Variants in AMD1 observed in about 807,000 individuals in gnomAD.
AMD1 encodes S-adenosylmethionine decarboxylase proenzyme.
AMD1 carries 11 observed loss-of-function variants against 40.2 expected under a neutral mutation model. The ratio of observed to expected loss-of-function variants is 0.27; its 90% CI spans 0.17 to 0.45. The LOEUF is 0.45. AMD1 is among the 20% of genes least tolerant of loss of function. AMD1 has a pLI of 1.00. For missense variants in AMD1, 257 were observed against 410.2 expected (o/e 0.63, Z 3.23); for synonymous variants, 121 against 130.8 (o/e 0.93, Z 0.51).
chr6:110,830,257 G>A, the AMD1 span, among the ~76,000 whole-genome samples: 4 of 151,930 alleles, frequency 2.6e-5, no homozygotes, highest in Admixed American at 6.6e-5. Context: ...CTCATGATCC[G>A]CCCACCTGAG....
At chr6:110,827,259 G>A in the AMD1 span, among the ~76,000 whole-genome samples, 10 of 151,712 alleles carry the variant, frequency 6.6e-5, no homozygotes, top group African/African-American at 2.4e-4. Context: ...TGATATCCAT[G>A]GACAGGACTT....
the AMD1 span, among the ~76,000 whole-genome samples, chr6:110,827,765 CA>C: frequency 0.38 from 34,709 of 91,120 alleles, 4,445 homozygotes; most frequent in East Asian, 0.67. Flanking sequence ...AACTCCATCT[CA>C]AAAAAAAAAA....
At chr6:110,822,758 G>T in the AMD1 span, among the ~76,000 whole-genome samples, 1 of 152,180 alleles carries the variant, frequency 6.6e-6, no homozygotes. Context: ...TCAGCCCAGG[G>T]ATGCAGGAAT....
chr6:110,819,702 G>T, the AMD1 span, among the ~76,000 whole-genome samples: 9 of 152,192 alleles, frequency 5.9e-5, no homozygotes, highest in Non-Finnish European at 1.2e-4. Flanking sequence ...GAATAGGGTA[G>T]AATAAGGCTG....
At chr6:110,856,345 TG>T in the AMD1 span, 1 of 152,200 alleles carries the variant, frequency 6.6e-6, no homozygotes, top group Non-Finnish European at 1.5e-5. Flanking sequence ...CCAGCTCTGG[TG>T]TCCTCCACTG....
the AMD1 span, among the ~76,000 whole-genome samples, chr6:110,824,807 G>C: frequency 7.9e-5 from 12 of 152,328 alleles, no homozygotes; most frequent in South Asian, 4.1e-4. Context: ...AAAGTAAGTA[G>C]AGTGAACATG....
chr6:110,829,785 A>T, the AMD1 span, among the ~76,000 whole-genome samples: 3 of 151,940 alleles, frequency 2.0e-5, no homozygotes, highest in Non-Finnish European at 4.4e-5. Context: ...AGTTGAGGCT[A>T]CGGTGAGTCA....
At chr6:110,884,582 C>T (rs957069584) in intron 1 of AMD1, among the ~76,000 whole-genome samples, 1 of 152,112 alleles carries the variant, frequency 6.6e-6, no homozygotes, top group Non-Finnish European at 1.5e-5. Context: ...TACAGACCTG[C>T]ACCACCACTC....
the AMD1 span, among the ~76,000 whole-genome samples, chr6:110,841,243 G>A: frequency 1.3e-5 from 2 of 152,174 alleles, no homozygotes; most frequent in African/African-American, 4.8e-5. Context: ...CCTCTTCAAA[G>A]TTTCCCTTCT....
chr6:110,868,781 C>T, the AMD1 span, among the ~76,000 whole-genome samples: 5 of 151,972 alleles, frequency 3.3e-5, no homozygotes, highest in Non-Finnish European at 4.4e-5. Context: ...CAAGGCCAGG[C>T]GCGGTGGCTC....
Position 110,890,369 on chromosome 6 carries a change from A to G in AMD1, c.427+13A>G. ...GCAATTTTCCCAAGTAAGTTTAAAT[A>G]AAATATAAACCTGTTGTCTTCTTAA... On this transcript the variant is annotated intron_variant, in intron 4 of 8. Coordinates refer to ENST00000368885, the MANE Select transcript of AMD1 (RefSeq NM_001634.6). The G allele has an allele frequency of 6.5e-7, 1 of 1,540,604 alleles. No homozygotes were observed. The highest frequency in any genetic ancestry group is 8.8e-7 in the Non-Finnish European group (1 of 1,131,690).
the AMD1 span, among the ~76,000 whole-genome samples, chr6:110,824,910 C>A: frequency 6.6e-6 from 1 of 152,070 alleles, no homozygotes; most frequent in African/African-American, 2.4e-5. Flanking sequence ...TCCTTTTTAC[C>A]TATATGAAAA....
At chr6:110,820,332 G>A in the AMD1 span, among the ~76,000 whole-genome samples, 2 of 151,336 alleles carry the variant, frequency 1.3e-5, no homozygotes, top group African/African-American at 4.8e-5. Flanking sequence ...CACCTCCCAG[G>A]TTCAAGCGAT....
intron 1 of AMD1, among the ~76,000 whole-genome samples, chr6:110,887,236 T>C (rs761031645): frequency 4.3e-4 from 65 of 152,216 alleles, no homozygotes; most frequent in Non-Finnish European, 8.2e-4. Context: ...TTACCTTGGT[T>C]TATGGACCTT....
the AMD1 span, among the ~76,000 whole-genome samples, chr6:110,865,191 G>A: frequency 6.6e-6 from 1 of 152,158 alleles, no homozygotes; most frequent in Non-Finnish European, 1.5e-5. Context: ...TCTTTTCCTA[G>A]TGTCAAGCAT....
chr6:110,822,634 G>T, the AMD1 span, among the ~76,000 whole-genome samples: 8 of 152,226 alleles, frequency 5.3e-5, no homozygotes, highest in East Asian at 1.5e-3. Flanking sequence ...AAAAAACAAT[G>T]AAATCTATAG....
chr6:110,894,359 G>C lies in AMD1; in HGVS notation c.*743G>C, dbSNP rs1340247128. ...TAATTCTATACCCCAGATGGGGAAT[G>C]GGGGAGATGGTCCCTGGGCTTAATA... On this transcript the variant is annotated 3_prime_UTR_variant, in exon 9 of 9. Transcript: ENST00000368885. The C allele has an allele frequency of 6.6e-6, 1 of 152,618 alleles. No homozygotes were observed. The highest frequency in any genetic ancestry group is 6.5e-5 in the Admixed American group (1 of 15,284). The allele number at this position is 152,618 out of a possible 1,614,324, so 9.5% of individuals were successfully genotyped here.
At chr6:110,884,791 A>C (rs1785597262) in intron 1 of AMD1, among the ~76,000 whole-genome samples, 1 of 152,220 alleles carries the variant, frequency 6.6e-6, no homozygotes, top group Non-Finnish European at 1.5e-5. Context: ...AACGTGTTTA[A>C]AAGTCTTAAT....
chr6:110,853,312 GTT>G, the AMD1 span, among the ~76,000 whole-genome samples: 30,866 of 136,770 alleles, frequency 0.23, 3,906 homozygotes, highest in East Asian at 0.65. Flanking sequence ...TGGGTTTTTT[GTT>G]TTTTTTTTTT....
Sources: allele counts gnomAD v4.1 joint callset (sites outside exome capture counted in the v4.1 genomes callset), GRCh38; gene constraint gnomAD v4.1.1; transcripts MANE v1.5; gene names NCBI Gene and HGNC (gene_info 2026-07-23, HGNC 2026-07-21).